The following ST6GALNAC3 variants were observed in gnomAD, a reference collection of about 807,000 sequenced individuals.
The protein encoded by ST6GALNAC3 is ST6 N-acetylgalactosaminide alpha-2,6-sialyltransferase 3.
A neutral mutation model predicts 32.7 loss-of-function variants in ST6GALNAC3; 25 were observed. The observed-to-expected ratio is 0.76, with a 90% CI of 0.56 to 1.07. ST6GALNAC3 has a LOEUF of 1.07. Ranked by LOEUF, ST6GALNAC3 falls within the 50% of genes least tolerant of loss-of-function variation. The pLI is 0.00. For synonymous variants in ST6GALNAC3, 129 were observed against 133.1 expected (o/e 0.97, Z 0.21); for missense variants, 355 against 382.4 (o/e 0.93, Z 0.60).
At chr1:76,090,915 A>G (rs887018897) in intron 1 of ST6GALNAC3, among the ~76,000 whole-genome samples, 1 of 152,134 alleles carries the variant, frequency 6.6e-6, no homozygotes, top group Non-Finnish European at 1.5e-5. Context: ...ATATTCTTCT[A>G]TTGTCTTTTT....
At chr1:76,302,308 G>A (rs1016790023) in intron 1 of ST6GALNAC3, among the ~76,000 whole-genome samples, 11 of 151,908 alleles carry the variant, frequency 7.2e-5, no homozygotes, top group African/African-American at 1.2e-4. Context: ...GTTTGTTTTC[G>A]CACTGTCAGT....
At chr1:76,274,874 C>T (rs541890983) in intron 1 of ST6GALNAC3, among the ~76,000 whole-genome samples, 25 of 152,292 alleles carry the variant, frequency 1.6e-4, no homozygotes, top group African/African-American at 5.3e-4. Context: ...CAGGGAATGT[C>T]GAACTTCATC....
intron 3 of ST6GALNAC3, among the ~76,000 whole-genome samples, chr1:76,477,988 C>G (rs1205078152): frequency 3.3e-5 from 5 of 152,192 alleles, no homozygotes; most frequent in Non-Finnish European, 7.3e-5. Flanking sequence ...TTAAACCAGT[C>G]TAATCCATGT....
chr1:76,267,226 C>T (rs1290290011), intron 1 of ST6GALNAC3, among the ~76,000 whole-genome samples: 2 of 152,142 alleles, frequency 1.3e-5, no homozygotes, highest in Non-Finnish European at 2.9e-5. Context: ...TGATCATGAC[C>T]CCTTGCCTCA....
intron 3 of ST6GALNAC3, among the ~76,000 whole-genome samples, chr1:76,492,628 T>A (rs1660570691): frequency 6.6e-6 from 1 of 152,164 alleles, no homozygotes; most frequent in Non-Finnish European, 1.5e-5. Flanking sequence ...TACAAGGATG[T>A]AGATGCACCA....
intron 3 of ST6GALNAC3, among the ~76,000 whole-genome samples, chr1:76,603,015 A>G (rs1647304267): frequency 6.6e-6 from 1 of 152,242 alleles, no homozygotes; most frequent in African/African-American, 2.4e-5. Flanking sequence ...GAGCAATGCA[A>G]ATTCAAAGCA....
chr1:76,400,000 TTTC>T (rs1653280879), intron 2 of ST6GALNAC3, among the ~76,000 whole-genome samples: 1 of 152,182 alleles, frequency 6.6e-6, no homozygotes, highest in Admixed American at 6.5e-5. Context: ...TATATTTTTG[TTTC>T]TTCTTCAATC....
intron 3 of ST6GALNAC3, among the ~76,000 whole-genome samples, chr1:76,426,854 CTA>C (rs1463732907): frequency 3.3e-5 from 5 of 151,900 alleles, no homozygotes; most frequent in Non-Finnish European, 7.4e-5. Flanking sequence ...GTTTATAATC[CTA>C]TGAGACCATG....
chr1:76,096,002 G>A (rs1201025570), intron 1 of ST6GALNAC3, among the ~76,000 whole-genome samples: 1 of 152,170 alleles, frequency 6.6e-6, no homozygotes, highest in Non-Finnish European at 1.5e-5. Flanking sequence ...CACCTGTGGG[G>A]ATGGTGCCCT....
At chr1:76,309,922 T>G in intron 1 of ST6GALNAC3, 1 of 468,182 alleles carries the variant, frequency 2.1e-6, no homozygotes, top group Non-Finnish European at 4.3e-6. Flanking sequence ...CAACTGCTAT[T>G]TCATCCTGTT....
At chr1:76,323,626 CT>C (rs751440007) in intron 2 of ST6GALNAC3, among the ~76,000 whole-genome samples, 49 of 152,186 alleles carry the variant, frequency 3.2e-4, no homozygotes, top group Non-Finnish European at 5.4e-4. Context: ...AAAGAAAACA[CT>C]TTTTGCCTAG....
At chr1:76,413,295 A>G (rs2101314555) in intron 3 of ST6GALNAC3, among the ~76,000 whole-genome samples, 1 of 152,284 alleles carries the variant, frequency 6.6e-6, no homozygotes, top group East Asian at 1.9e-4. Flanking sequence ...TAGCGCTAAT[A>G]AAGAACTGTT....
chr1:76,211,452 T>A, intron 1 of ST6GALNAC3, among the ~76,000 whole-genome samples: 1 of 152,176 alleles, frequency 6.6e-6, no homozygotes, highest in East Asian at 1.9e-4. Context: ...ACCCAAAGGA[T>A]TATAAAACAT....
chr1:76,411,686 CT>C (rs1478435303), intron 2 of ST6GALNAC3, among the ~76,000 whole-genome samples: 6 of 152,042 alleles, frequency 3.9e-5, no homozygotes, highest in Admixed American at 6.6e-5. Context: ...CTTATTTCAC[CT>C]GAAATTACAG....
At chr1:76,254,397 ATTCAG>A (rs1269753345) in intron 1 of ST6GALNAC3, among the ~76,000 whole-genome samples, 1 of 152,052 alleles carries the variant, frequency 6.6e-6, no homozygotes, top group East Asian at 1.9e-4. Flanking sequence ...TCTCTCCCCT[ATTCAG>A]TTTGTTTGAA....
chr1:76,465,882 T>A (rs972707726), intron 3 of ST6GALNAC3, among the ~76,000 whole-genome samples: 4 of 152,060 alleles, frequency 2.6e-5, no homozygotes, highest in Admixed American at 2.0e-4. Context: ...TCTTTTTTAA[T>A]CTCTCAGATT....
intron 3 of ST6GALNAC3, among the ~76,000 whole-genome samples, chr1:76,586,241 T>C (rs1276680984): frequency 1.3e-5 from 2 of 152,234 alleles, no homozygotes; most frequent in African/African-American, 2.4e-5. Context: ...GTGTCAACAT[T>C]GAAATTTAAT....
intron 1 of ST6GALNAC3, among the ~76,000 whole-genome samples, chr1:76,305,210 G>T (rs1660975117): frequency 6.6e-6 from 1 of 152,040 alleles, no homozygotes; most frequent in Non-Finnish European, 1.5e-5. Context: ...CTTAAGAAGG[G>T]CAGCCTTAGG....
intron 3 of ST6GALNAC3, among the ~76,000 whole-genome samples, chr1:76,516,760 T>G (rs4357574): frequency 6.6e-5 from 10 of 151,788 alleles, no homozygotes; most frequent in Admixed American, 6.6e-4. Context: ...TCTTAGTTCG[T>G]GTATATTTTC....
Sources: allele counts gnomAD v4.1 joint callset (sites outside exome capture counted in the v4.1 genomes callset), GRCh38; gene constraint gnomAD v4.1.1; transcripts MANE v1.5; gene names NCBI Gene and HGNC (gene_info 2026-07-23, HGNC 2026-07-21).